Variants in DLGAP1 observed in about 807,000 individuals in gnomAD.
DLGAP1 encodes disks large-associated protein 1.
DLGAP1 carries 11 observed loss-of-function variants against 90.8 expected under a neutral mutation model. The ratio of observed to expected loss-of-function variants is 0.12; its 90% CI spans 0.08 to 0.20. DLGAP1 has a LOEUF of 0.20. Among genes scored for constraint, DLGAP1 ranks in the 10% least tolerant of loss-of-function variants. DLGAP1 has a pLI of 1.00. For missense variants in DLGAP1, 1,050 were observed against 1,333.8 expected, an observed-to-expected ratio of 0.79 and a Z score of 3.31; for synonymous variants, 558 against 540.7, an observed-to-expected ratio of 1.03 and a Z score of -0.44.
At chr18:3,633,346 T>C (rs1443536144) in intron 7 of DLGAP1, among the ~76,000 whole-genome samples, 1 of 147,488 alleles carries the variant, frequency 6.8e-6, no homozygotes, top group African/African-American at 2.5e-5. Flanking sequence ...GAGGTTGCAG[T>C]GAGCTGAGAT....
At chr18:4,069,085 T>C (rs2075410090) in intron 2 of DLGAP1, among the ~76,000 whole-genome samples, 2 of 152,218 alleles carry the variant, frequency 1.3e-5, no homozygotes, top group Admixed American at 1.3e-4. Context: ...TCTGAGAGTA[T>C]ATAGATAGAT....
At chr18:3,939,051 G>A (rs1262786147) in intron 3 of DLGAP1, among the ~76,000 whole-genome samples, 2 of 152,138 alleles carry the variant, frequency 1.3e-5, no homozygotes, top group Non-Finnish European at 2.9e-5. Context: ...CAGGGAAGAG[G>A]TGGCAGAAGT....
intron 5 of DLGAP1, among the ~76,000 whole-genome samples, chr18:3,784,203 C>A (rs374633235): frequency 9.9e-4 from 151 of 152,268 alleles, no homozygotes; most frequent in Middle Eastern, 3.4e-3. Flanking sequence ...TGTCAGCCCC[C>A]AAGCCATTGT....
chr18:3,555,585 C>A (rs1423305847), intron 9 of DLGAP1, among the ~76,000 whole-genome samples: 1 of 151,978 alleles, frequency 6.6e-6, no homozygotes, highest in African/African-American at 2.4e-5. Context: ...CCGAGGCGGG[C>A]GGATCATCTG....
rs542485714 is a variant in DLGAP1 at position 4,324,671 on chromosome 18, T to C, written c.-267+130335A>G. 1.7e-4 allele frequency among the ~76,000 whole-genome samples: 26 copies of C among 152,234 alleles called. No individual in the cohort carries two copies. In the East Asian group the frequency reaches 3.7e-3, roughly 21 times the overall value. On this transcript the variant is annotated intron_variant, in intron 1 of 12. Coordinates refer to ENST00000315677, the MANE Select transcript of DLGAP1 (RefSeq NM_004746.4). The stretch of plus-strand genomic sequence containing the variant: ...GCACATCAAAAAGCTAATTCCCCTG[T>C]AATCAAGTAGGCTTTACCCCTGGGA...
chr18:4,061,257 A>G (rs1467251459), intron 2 of DLGAP1, among the ~76,000 whole-genome samples: 1 of 152,202 alleles, frequency 6.6e-6, no homozygotes, highest in African/African-American at 2.4e-5. Flanking sequence ...TTTGTAAAAG[A>G]TTATAAGAAT....
At chr18:3,624,826 G>GA (rs2058231706) in intron 7 of DLGAP1, among the ~76,000 whole-genome samples, 1 of 152,076 alleles carries the variant, frequency 6.6e-6, no homozygotes, top group South Asian at 2.1e-4. Context: ...CACCCAGGGG[G>GA]AATCTCAAGA....
intron 1 of DLGAP1, among the ~76,000 whole-genome samples, chr18:4,358,735 C>T (rs2081574583): frequency 1.3e-5 from 2 of 152,350 alleles, no homozygotes; most frequent in South Asian, 2.1e-4. Flanking sequence ...GAGCAGGGCT[C>T]CTGTCTGCTT....
At chr18:4,317,978 G>A (rs1467229571) in intron 1 of DLGAP1, among the ~76,000 whole-genome samples, 1 of 152,126 alleles carries the variant, frequency 6.6e-6, no homozygotes, top group African/African-American at 2.4e-5. Context: ...CTCCTGAGTA[G>A]CTGGGATTAC....
intron 4 of DLGAP1, among the ~76,000 whole-genome samples, chr18:3,830,968 A>G (rs1019335530): frequency 6.6e-6 from 1 of 152,258 alleles, no homozygotes; most frequent in Non-Finnish European, 1.5e-5. Context: ...TGAGAAATAA[A>G]GTATGGACAC....
At chr18:4,341,837 A>G (rs1245834481) in intron 1 of DLGAP1, among the ~76,000 whole-genome samples, 4 of 152,150 alleles carry the variant, frequency 2.6e-5, no homozygotes, top group Non-Finnish European at 5.9e-5. Context: ...AGTCTTTGAA[A>G]GAATAGTGAA....
chr18:4,230,210 GA>G (rs2078271626), intron 1 of DLGAP1, among the ~76,000 whole-genome samples: 1 of 152,058 alleles, frequency 6.6e-6, no homozygotes, highest in Non-Finnish European at 1.5e-5. Flanking sequence ...AACCACAATG[GA>G]AAACAGTTTG....
intron 1 of DLGAP1, among the ~76,000 whole-genome samples, chr18:4,322,959 A>C (rs1304994267): frequency 6.6e-5 from 10 of 150,992 alleles, no homozygotes; most frequent in Admixed American, 6.6e-4. Flanking sequence ...AAAAAAAAAA[A>C]AAAAAAAAAG....
intron 9 of DLGAP1, among the ~76,000 whole-genome samples, chr18:3,562,808 T>C (rs940648474): frequency 6.6e-6 from 1 of 151,826 alleles, no homozygotes; most frequent in Non-Finnish European, 1.5e-5. Flanking sequence ...ACTCTTATCT[T>C]TTATCTTTTT....
intron 6 of DLGAP1, among the ~76,000 whole-genome samples, chr18:3,741,848 T>TC: frequency 7.7e-6 from 1 of 130,294 alleles, no homozygotes; most frequent in Non-Finnish European, 1.5e-5. Flanking sequence ...TTTCTTTTTC[T>TC]TTTTTTTTAA....
chr18:4,106,459 A>G (rs1369241073), intron 2 of DLGAP1, among the ~76,000 whole-genome samples: 3 of 152,206 alleles, frequency 2.0e-5, no homozygotes, highest in South Asian at 2.1e-4. Context: ...AGTGGGTAGA[A>G]GAAATTGTAT....
intron 2 of DLGAP1, among the ~76,000 whole-genome samples, chr18:4,060,113 C>T (rs537372945): frequency 3.9e-5 from 6 of 152,218 alleles, no homozygotes; most frequent in African/African-American, 1.4e-4. Flanking sequence ...AGGACAGAAT[C>T]CCAATCCTTG....
chr18:3,950,740 G>A (rs1399038325), intron 3 of DLGAP1, among the ~76,000 whole-genome samples: 1 of 152,190 alleles, frequency 6.6e-6, no homozygotes, highest in Non-Finnish European at 1.5e-5. Context: ...ATTTACCCTA[G>A]TCTGAGGCAG....
intron 1 of DLGAP1, among the ~76,000 whole-genome samples, chr18:4,353,562 T>C (rs548861721): frequency 6.6e-6 from 1 of 152,176 alleles, no homozygotes; most frequent in Non-Finnish European, 1.5e-5. Context: ...TTCTGCTTTT[T>C]GGCTCTTTTT....
Sources: allele counts gnomAD v4.1 joint callset (sites outside exome capture counted in the v4.1 genomes callset), GRCh38; gene constraint gnomAD v4.1.1; transcripts MANE v1.5; gene names NCBI Gene and HGNC (gene_info 2026-07-23, HGNC 2026-07-21).